The following PKD1L3 variants were observed in gnomAD, a reference collection of about 807,000 sequenced individuals.
The protein encoded by PKD1L3 is polycystin 1 like 3, transient receptor potential channel interacting.
PKD1L3 carries 239 observed loss-of-function variants against 184.1 expected under a neutral mutation model. That is an observed-to-expected ratio of 1.30 (90% CI 1.17 to 1.45). PKD1L3 has a LOEUF of 1.45. Among genes scored for constraint, PKD1L3 ranks in the 40% most tolerant of loss-of-function variants. The probability of loss-of-function intolerance (pLI) is 0.00; values close to 1 mark genes in which losing one functional copy is unlikely to be tolerated. For missense variants in PKD1L3, 2,660 were observed against 2,067.2 expected, an observed-to-expected ratio of 1.29 and a Z score of -5.56; for synonymous variants, 996 against 778.8, an observed-to-expected ratio of 1.28 and a Z score of -4.64.
In PKD1L3 at chr16:71,937,419, C is replaced by T. The variant is rs562323598; in HGVS notation, c.4325G>A (p.Gly1442Asp). ...NENGFSYIMR[G>D]AFFTSLRLES... The stretch of plus-strand genomic sequence containing the variant: ...CAGTCTCAAAGAGGTGAAGAAAGCA[C>T]CTGAGAATAACAAAGAACACCTGGA... Residue 1442 changes from glycine (G) to aspartate (D), a missense_variant and splice_region_variant, in exon 25 of 30, where the codon GGT becomes GAT. Physicochemically the swap from Gly to Asp is moderately conservative, Grantham distance 94 (BLOSUM62 -1). Coordinates refer to ENST00000620267, the MANE Select transcript of PKD1L3 (RefSeq NM_181536.2). 10 of 1,550,560 alleles carry T rather than the reference C, an allele frequency of 6.4e-6. No homozygotes were observed. The East Asian group carries it at 1.7e-4, about 27-fold the overall frequency.
At chr16:71,967,450 T>C in intron 14 of PKD1L3, 135 bp from the exon 15 acceptor site, 3 of 873,000 alleles carry the variant, frequency 3.4e-6, no homozygotes, top group Non-Finnish European at 5.1e-6. Flanking sequence ...CATAGATAAT[T>C]CTTCATATAT....
At chr16:71,930,264 G>A in intron 28 of PKD1L3, 81 bp from the exon 29 acceptor site, 1 of 1,342,280 alleles carries the variant, frequency 7.5e-7, no homozygotes, top group South Asian at 2.0e-5. Context: ...CTAGTGTTTG[G>A]GATCTTATCA....
chr16:71,940,752 G>A (rs777828107), intron 24 of PKD1L3, among the ~76,000 whole-genome samples: 7 of 151,934 alleles, frequency 4.6e-5, no homozygotes, highest in Non-Finnish European at 8.8e-5. Context: ...TGCCTGCCTC[G>A]GCCTCCCAAA....
chr16:71,955,577 C>G (rs560163692), intron 16 of PKD1L3, among the ~76,000 whole-genome samples: 47 of 152,140 alleles, frequency 3.1e-4, no homozygotes, highest in African/African-American at 1.0e-3. Flanking sequence ...ATTGCAACCT[C>G]CATCCCCCTG....
At chr16:71,953,227 A>G (rs2038917543) in intron 17 of PKD1L3, 134 bp from the exon 18 acceptor site, 2 of 752,816 alleles carry the variant, frequency 2.7e-6, no homozygotes, top group Non-Finnish European at 2.0e-6. Context: ...CCTGGCAGTA[A>G]AGACCATGTT....
In PKD1L3 at chr16:71,969,933, C is replaced by A; in HGVS notation, c.2126G>T (p.Gly709Val). The change falls in exon 13 of 30, where the codon GGA becomes GTA. Residue 709 changes from glycine (G) to valine (V), a missense_variant. Gly to Val is a moderately radical substitution (Grantham distance 109). Coordinates refer to ENST00000620267, the MANE Select transcript of PKD1L3 (RefSeq NM_181536.2). Reference protein sequence around the residue: ...VGVSLLASLLGFYVITVVWAR... With the variant: ...VGVSLLASLLVFYVITVVWAR... Reference sequence around the variant, plus strand: ...CCACACAACTGTGATCACATAAAATCCTAAAAGGCTGGCCAGCAGTGACAC... The same window carrying A: ...CCACACAACTGTGATCACATAAAATACTAAAAGGCTGGCCAGCAGTGACAC... 6.4e-7 allele frequency: 1 copy of A among 1,551,956 alleles called. No homozygotes were observed. Among genetic ancestry groups the A allele is most frequent in the East Asian group, 2.4e-5 (1 of 40,918 alleles).
chr16:71,951,843 G>T, intron 18 of PKD1L3, 99 bp from the exon 19 acceptor site: 1 of 1,128,384 alleles, frequency 8.9e-7, no homozygotes, highest in Non-Finnish European at 1.2e-6. Context: ...CGTCAGAAGG[G>T]GATATGCTTA....
intron 29 of PKD1L3, 87 bp from the exon 30 acceptor site, chr16:71,929,765 A>AAATT (rs1316426347): frequency 8.0e-7 from 1 of 1,249,988 alleles, no homozygotes; most frequent in Non-Finnish European, 1.1e-6. Flanking sequence ...GATTTTTAAA[A>AAATT]AATTAGTAAA....
intron 9 of PKD1L3, 100 bp from the exon 10 acceptor site, chr16:71,978,483 G>T: frequency 1.8e-5 from 2 of 113,086 alleles, no homozygotes; most frequent in Non-Finnish European, 2.8e-5. Context: ...ATATGTGTGT[G>T]TGTGTGTGTG....
chr16:71,951,774 G>A, intron 18 of PKD1L3, 30 bp from the exon 19 acceptor site: 1 of 1,529,460 alleles, frequency 6.5e-7, no homozygotes, highest in Non-Finnish European at 8.8e-7. Flanking sequence ...AGAAAAATCA[G>A]CCTGTTTTTC....
At chr16:71,944,551 C>T (rs918376633) in intron 22 of PKD1L3, among the ~76,000 whole-genome samples, 3 of 152,066 alleles carry the variant, frequency 2.0e-5, no homozygotes, top group Non-Finnish European at 4.4e-5. Flanking sequence ...GGCATAGTGG[C>T]TCATGCCTGT....
At chr16:71,975,641 C>T (rs1378860467) in intron 11 of PKD1L3, among the ~76,000 whole-genome samples, 1 of 152,158 alleles carries the variant, frequency 6.6e-6, no homozygotes, top group African/African-American at 2.4e-5. Context: ...AAGAATTTTA[C>T]AGGGAATAAC....
At chr16:71,945,402 ATTTATTTATT>A (rs1567498876) in intron 22 of PKD1L3, among the ~76,000 whole-genome samples, 2 of 25,966 alleles carry the variant, frequency 7.7e-5, no homozygotes, top group East Asian at 2.6e-3. Flanking sequence ...ATATATATTT[ATTTATTTATT>A]TATTTATTTA....
intron 4 of PKD1L3, among the ~76,000 whole-genome samples, chr16:71,989,128 A>G (rs1219621275): frequency 6.6e-6 from 1 of 152,108 alleles, no homozygotes; most frequent in Non-Finnish European, 1.5e-5. Context: ...TCTGCAGAAA[A>G]CAGCGTGGGA....
intron 13 of PKD1L3, among the ~76,000 whole-genome samples, 167 bp downstream of exon 13, chr16:71,969,708 G>A (rs1253300562): frequency 2.0e-5 from 3 of 152,086 alleles, no homozygotes; most frequent in Admixed American, 1.3e-4. Flanking sequence ...AAGTTCTCAG[G>A]TCTTGAGTCA....
intron 24 of PKD1L3, among the ~76,000 whole-genome samples, chr16:71,938,710 A>T (rs2143185676): frequency 6.6e-6 from 1 of 152,320 alleles, no homozygotes; most frequent in Middle Eastern, 3.4e-3. Flanking sequence ...GATAGGAGCT[A>T]CCCACTCCAG....
rs150074537 is a variant in PKD1L3 at position 71,990,386 on chromosome 16, G to A, written c.536-57C>T. ...GTAAAAGCCTAAGACAGAAATATTC[G>A]TTTTACTTGAGGACTTCTTATTCAT... On this transcript the variant is annotated intron_variant, in intron 3 of 29. Coordinates refer to ENST00000620267, the MANE Select transcript of PKD1L3 (RefSeq NM_181536.2). 817 of 1,404,130 alleles carry A rather than the reference G, an allele frequency of 5.8e-4. 12 individuals carry two copies. The East Asian group carries it at 0.017, about 30-fold the overall frequency. 87.0% of individuals were successfully genotyped at this position (1,404,130 alleles called of 1,614,324 possible).
At chr16:71,977,601 T>C in intron 10 of PKD1L3, 134 bp from the exon 11 acceptor site, 1 of 668,494 alleles carries the variant, frequency 1.5e-6, no homozygotes, top group South Asian at 2.0e-5. Context: ...CTTGCTATGT[T>C]GGCCACGTTG....
chr16:71,943,548 A>AC (rs2038440182), intron 23 of PKD1L3, among the ~76,000 whole-genome samples: 1 of 151,682 alleles, frequency 6.6e-6, no homozygotes, highest in Non-Finnish European at 1.5e-5. Context: ...AAAAAAAAAA[A>AC]AAAAAAAAAA....
Sources: gnomAD v4.1 joint callset for allele counts (sites outside exome capture counted in the v4.1 genomes callset) on GRCh38, gnomAD v4.1.1 for gene constraint, MANE v1.5 for transcripts, NCBI Gene and HGNC (gene_info 2026-07-23, HGNC 2026-07-21) for gene names.